Variants in OSBPL9 observed in about 807,000 individuals in gnomAD.
The protein encoded by OSBPL9 is oxysterol-binding protein-related protein 9.
In OSBPL9, 40 loss-of-function variants were observed where a neutral mutation model predicts 106.6. The observed-to-expected ratio is 0.38, with a 90% CI of 0.29 to 0.49. The LOEUF is 0.49. Among genes scored for constraint, OSBPL9 ranks in the 20% least tolerant of loss-of-function variants. The pLI is 0.97. For synonymous variants in OSBPL9, 269 were observed against 295.4 expected, an observed-to-expected ratio of 0.91 and a Z score of 0.92; for missense variants, 609 against 887.2, an observed-to-expected ratio of 0.69 and a Z score of 3.98.
intron 3 of OSBPL9, among the ~76,000 whole-genome samples, chr1:51,687,735 G>A (rs1456371476): frequency 6.6e-6 from 1 of 152,228 alleles, no homozygotes; most frequent in Admixed American, 6.5e-5. Context: ...GGAGGCTTGA[G>A]TTGAGCTGGA....
intron 3 of OSBPL9, among the ~76,000 whole-genome samples, chr1:51,704,595 A>T (rs915704639): frequency 6.6e-6 from 1 of 152,186 alleles, no homozygotes; most frequent in African/African-American, 2.4e-5. Flanking sequence ...TGGAGGCTGG[A>T]AGTTTAGATC....
At chr1:51,528,420 G>C in the OSBPL9 span, among the ~76,000 whole-genome samples, 1 of 151,514 alleles carries the variant, frequency 6.6e-6, no homozygotes, top group Non-Finnish European at 1.5e-5. Flanking sequence ...GCTCATGCCT[G>C]TAAGTCCCAG....
At chr1:51,633,039 C>T (rs573605217) in intron 1 of OSBPL9, among the ~76,000 whole-genome samples, 2 of 152,018 alleles carry the variant, frequency 1.3e-5, no homozygotes, top group Non-Finnish European at 2.9e-5. Flanking sequence ...TCACTGCAAC[C>T]TCCACCTCCT....
chr1:51,777,160 T>A (rs148936749), intron 15 of OSBPL9, among the ~76,000 whole-genome samples: 310 of 152,324 alleles, frequency 2.0e-3, no homozygotes, highest in African/African-American at 7.0e-3. Context: ...GTAGCCAATA[T>A]TCACAAGGCC....
At chr1:51,767,455 A>G (rs1025572117) in intron 12 of OSBPL9, among the ~76,000 whole-genome samples, 4 of 151,360 alleles carry the variant, frequency 2.6e-5, no homozygotes, top group Admixed American at 6.6e-5. Flanking sequence ...TGTTTGTTGT[A>G]GATGTATTAA....
chr1:51,732,980 C>T (rs911111598), intron 4 of OSBPL9, among the ~76,000 whole-genome samples: 14 of 152,202 alleles, frequency 9.2e-5, no homozygotes, highest in African/African-American at 2.7e-4. Flanking sequence ...TTTTCACAGC[C>T]TTTCCTTCTT....
chr1:51,673,893 T>G (rs573409965), intron 3 of OSBPL9, among the ~76,000 whole-genome samples: 1,804 of 151,856 alleles, frequency 0.012, 39 homozygotes, highest in African/African-American at 0.042. Flanking sequence ...AAAAAGTTTT[T>G]TTTTTTTTTT....
At chr1:51,644,574 C>T (rs1318974925) in intron 1 of OSBPL9, among the ~76,000 whole-genome samples, 5 of 152,044 alleles carry the variant, frequency 3.3e-5, no homozygotes, top group African/African-American at 1.2e-4. Context: ...GTGATCTGTC[C>T]GCCTCAGCCT....
chr1:51,650,827 TTTACTC>T (rs1426037086), intron 1 of OSBPL9, among the ~76,000 whole-genome samples: 2 of 152,244 alleles, frequency 1.3e-5, no homozygotes, highest in African/African-American at 2.4e-5. Flanking sequence ...ACATGACTAA[TTTACTC>T]TTAGGAATAT....
intron 1 of OSBPL9, among the ~76,000 whole-genome samples, chr1:51,619,649 T>C (rs1342978938): frequency 6.6e-6 from 1 of 152,082 alleles, no homozygotes; most frequent in South Asian, 2.1e-4. Context: ...CTTGTGAAAA[T>C]AAAATGATAC....
intron 4 of OSBPL9, among the ~76,000 whole-genome samples, chr1:51,742,524 T>TG (rs1667143211): frequency 6.6e-6 from 1 of 150,876 alleles, no homozygotes; most frequent in South Asian, 2.1e-4. Context: ...TTTATTTTAT[T>TG]GCGGAGACAG....
chr1:51,562,907 C>G, the OSBPL9 span, among the ~76,000 whole-genome samples: 2 of 152,128 alleles, frequency 1.3e-5, no homozygotes, highest in Admixed American at 6.6e-5. Flanking sequence ...GGAGTTAGCT[C>G]TTAAAAATAA....
At chr1:51,582,018 GTAT>G (rs747023574) in intron 1 of OSBPL9, among the ~76,000 whole-genome samples, 1 of 152,068 alleles carries the variant, frequency 6.6e-6, no homozygotes, top group Non-Finnish European at 1.5e-5. Context: ...TTGGACAATG[GTAT>G]TATAAACCAT....
intron 2 of OSBPL9, among the ~76,000 whole-genome samples, chr1:51,660,703 C>T (rs75410581): frequency 1.3e-5 from 2 of 152,278 alleles, no homozygotes; most frequent in East Asian, 1.9e-4. Flanking sequence ...CTCCATGCAG[C>T]GTCTTCTTTA....
chr1:51,649,091 CAG>C (rs1374834569), intron 1 of OSBPL9, among the ~76,000 whole-genome samples: 1 of 151,946 alleles, frequency 6.6e-6, no homozygotes, highest in African/African-American at 2.4e-5. Flanking sequence ...ATCTTCTTTT[CAG>C]CCTCATTTTA....
intron 12 of OSBPL9, among the ~76,000 whole-genome samples, chr1:51,766,630 T>C (rs1672612106): frequency 6.6e-6 from 1 of 152,244 alleles, no homozygotes; most frequent in South Asian, 2.1e-4. Flanking sequence ...AAAAGGGGCT[T>C]GCTGCCCAAT....
At chr1:51,519,016 G>A in the OSBPL9 span, among the ~76,000 whole-genome samples, 1 of 151,360 alleles carries the variant, frequency 6.6e-6, no homozygotes, top group African/African-American at 2.4e-5. Context: ...CCGCAGGGGG[G>A]CTCCGGCTCC....
intron 15 of OSBPL9, 111 bp from the exon 16 acceptor site, chr1:51,781,053 T>C: frequency 1.2e-6 from 1 of 868,552 alleles, no homozygotes; most frequent in Non-Finnish European, 1.8e-6. Context: ...CTCCTGGTCC[T>C]AGGTCCTCAG....
chr1:51,775,752 G>A (rs768385037), intron 14 of OSBPL9, among the ~76,000 whole-genome samples: 11 of 151,862 alleles, frequency 7.2e-5, no homozygotes, highest in Non-Finnish European at 8.8e-5. Context: ...CTGGGACTAC[G>A]GGTGTGCGCC....
Sources: gnomAD v4.1 joint callset for allele counts (sites outside exome capture counted in the v4.1 genomes callset) on GRCh38, gnomAD v4.1.1 for gene constraint, MANE v1.5 for transcripts, NCBI Gene and HGNC (gene_info 2026-07-23, HGNC 2026-07-21) for gene names.